Variants in DTX2 observed in about 807,000 individuals in gnomAD.
DTX2 encodes the protein probable E3 ubiquitin-protein ligase DTX2.
A neutral mutation model predicts 55.3 loss-of-function variants in DTX2; 29 were observed. That is an observed-to-expected ratio of 0.52 (90% CI 0.39 to 0.71). DTX2 has a LOEUF of 0.71. Ranked by LOEUF, DTX2 falls within the 30% of genes least tolerant of loss-of-function variation. DTX2 has a pLI of 0.00. For missense variants in DTX2, 537 were observed against 822.5 expected, an observed-to-expected ratio of 0.65 and a Z score of 4.25; for synonymous variants, 276 against 340.4, an observed-to-expected ratio of 0.81 and a Z score of 2.08.
rs1192428467 is a variant in DTX2, at chr7:76,502,423, G to A, written c.1356G>A (p.Leu452=). ...AGTGCAGCCATGCCTTCCACCTGCT[G>A]TGCCTCCTGGCCATGTACTGCAACG... is the stretch of plus-strand genomic sequence containing the variant. ...LTKCSHAFHL[L]CLLAMYCNGN... The change falls in exon 8 of 11, where the codon CTG becomes CTA. Residue 452 remains leucine (L), a synonymous_variant. Coordinates refer to ENST00000430490, the MANE Select transcript of DTX2 (RefSeq NM_001102594.3). The A allele has an allele frequency of 1.2e-6, 2 of 1,612,562 alleles. No individual in the cohort carries two copies. Among genetic ancestry groups the A allele is most frequent in the East Asian group, 2.2e-5 (1 of 44,876 alleles).
chr7:76,475,303 C>T (rs1339307828), intron 2 of DTX2, among the ~76,000 whole-genome samples: 4 of 151,998 alleles, frequency 2.6e-5, no homozygotes, highest in Non-Finnish European at 5.9e-5. Context: ...AAGAATGAAA[C>T]TCTGTCTCAA....
intron 2 of DTX2, chr7:76,478,087 C>A (rs541640321): frequency 6.9e-6 from 1 of 144,508 alleles, no homozygotes; most frequent in South Asian, 2.4e-4. Flanking sequence ...CTCATTGTGA[C>A]AACACGCCCA....
At position 76,505,933 on chromosome 7, in the gene DTX2, G is replaced by A. The variant is rs946710223; in HGVS notation, c.*332G>A. On this transcript the variant is annotated 3_prime_UTR_variant, in exon 11 of 11. Transcript: ENST00000430490. The surrounding 1 kb of genome is among the most constrained non-coding windows in gnomAD (Gnocchi z 4.4). ...GACTTCCCCAGCCTGGACGGGCGTGGGTTCTGGGTCAGCTTCTTTTACCTC... is the reference window on the plus strand; with the variant it reads ...GACTTCCCCAGCCTGGACGGGCGTGAGTTCTGGGTCAGCTTCTTTTACCTC... 2.8e-5 allele frequency: 14 copies of A among 494,066 alleles called. No homozygotes were observed. Among genetic ancestry groups the A allele is most frequent in the Non-Finnish European group, 4.4e-5 (12 of 272,846 alleles). 30.6% of individuals were successfully genotyped at this position (494,066 alleles called of 1,614,324 possible).
At chr7:76,488,810 T>G (rs1810148584) in intron 4 of DTX2, among the ~76,000 whole-genome samples, 1 of 80,700 alleles carries the variant, frequency 1.2e-5, no homozygotes, top group Non-Finnish European at 2.5e-5. Context: ...GCAGGAGAAT[T>G]GCTTGAGCCC....
chr7:76,497,671 C>G (rs1347840446), intron 6 of DTX2, among the ~76,000 whole-genome samples, 194 bp downstream of exon 6: 8 of 147,024 alleles, frequency 5.4e-5, no homozygotes, highest in East Asian at 4.0e-4. Context: ...CACCGCAGCC[C>G]CAGAGTTCAG....
At position 76,500,080 on chromosome 7, in the gene DTX2, G is replaced by A. The variant is rs562437206; in HGVS notation, c.1151-361G>A. ...ACGCCCCCTGGAGTAGTTTGTGCCCGAAGCGGCTGTCTGACTCTTCCGCGC... is the reference window on the plus strand; with the variant it reads ...ACGCCCCCTGGAGTAGTTTGTGCCCAAAGCGGCTGTCTGACTCTTCCGCGC... On this transcript the variant is annotated intron_variant, in intron 6 of 10. Coordinates refer to ENST00000430490, the MANE Select transcript of DTX2 (RefSeq NM_001102594.3). The A allele has an allele frequency of 4.0e-3, 1,419 of 358,364 alleles. 20 individuals carry two copies. Among genetic ancestry groups the A allele is most frequent in the African/African-American group, 0.029 (1,325 of 46,028 alleles). 22.2% of individuals were successfully genotyped at this position (358,364 alleles called of 1,614,324 possible).
At position 76,505,886 on chromosome 7, in the gene DTX2, G is replaced by T. The variant is rs1812293403; in HGVS notation, c.*285G>T. ...GCTGCTTCGGGCCCGCGGTGCTCGGGGCCTGGTGTGGGGCGAGTAGAGACT... is the reference window on the plus strand; with the variant it reads ...GCTGCTTCGGGCCCGCGGTGCTCGGTGCCTGGTGTGGGGCGAGTAGAGACT... On this transcript the variant is annotated 3_prime_UTR_variant, in exon 11 of 11. Transcript: ENST00000430490. The surrounding 1 kb of genome is among the most constrained non-coding windows in gnomAD (Gnocchi z 4.4). 1 of 564,832 alleles carries T rather than the reference G, an allele frequency of 1.8e-6. No homozygotes were observed. Among genetic ancestry groups the T allele is most frequent in the Non-Finnish European group, 3.2e-6 (1 of 313,358 alleles). The allele number at this position is 564,832 out of a possible 1,614,324, so 35.0% of individuals were successfully genotyped here.
At chr7:76,474,152 C>G (rs1808262202) in intron 2 of DTX2, among the ~76,000 whole-genome samples, 1 of 151,376 alleles carries the variant, frequency 6.6e-6, no homozygotes, top group Non-Finnish European at 1.5e-5. Context: ...AACTCCCGAC[C>G]TCAGGTGATC....
rs554183579 is a variant in DTX2 at position 76,494,917 on chromosome 7, T to G, written c.1010-2420T>G. 2.9e-5 allele frequency among the ~76,000 whole-genome samples: 3 copies of G among 103,312 alleles called. No individual in the cohort carries two copies. In the East Asian group the frequency reaches 8.7e-4, roughly 30 times the overall value. 67.8% of individuals were successfully genotyped at this position (103,312 alleles called of 152,430 possible). A position where few individuals can be genotyped will look rare whatever the true frequency, so the allele number is the denominator to read the frequency against. On this transcript the variant is annotated intron_variant, in intron 5 of 10. Coordinates refer to ENST00000430490, the MANE Select transcript of DTX2 (RefSeq NM_001102594.3). ...CCTGGTGTGCTTGTGGGTTGAGGAATTATACCATGCCCGGCTGCGGAGACG... is the reference window on the plus strand; with the variant it reads ...CCTGGTGTGCTTGTGGGTTGAGGAAGTATACCATGCCCGGCTGCGGAGACG...
intron 2 of DTX2, among the ~76,000 whole-genome samples, chr7:76,468,093 G>A (rs1172241297): frequency 6.6e-6 from 1 of 152,288 alleles, no homozygotes; most frequent in Admixed American, 6.5e-5. Context: ...GAGGGGAGAG[G>A]GAGGCCAGGG....
intron 6 of DTX2, among the ~76,000 whole-genome samples, chr7:76,499,048 A>T (rs1360711418): frequency 6.3e-5 from 1 of 15,854 alleles, no homozygotes; most frequent in East Asian, 1.9e-3. Context: ...AGGTGTGTGG[A>T]GGTGGGTGTG....
chr7:76,501,804 G>A (rs1228786967), intron 7 of DTX2: 7 of 176,908 alleles, frequency 4.0e-5, no homozygotes, highest in South Asian at 1.2e-4. Flanking sequence ...GGCTTCTGCT[G>A]TCATGTCGGG....
chr7:76,498,971 GTGA>G (rs2116567934), intron 6 of DTX2, among the ~76,000 whole-genome samples: 1 of 58,642 alleles, frequency 1.7e-5, no homozygotes, highest in African/African-American at 1.1e-4. Context: ...GTATGGAGGT[GTGA>G]GGTGTGTGGA....
In DTX2 at chr7:76,505,860, G is replaced by C. The variant is rs1333748350; in HGVS notation, c.*259G>C. The C allele has an allele frequency of 1.7e-6, 1 of 586,076 alleles. No homozygotes were observed. Among genetic ancestry groups the C allele is most frequent in the Non-Finnish European group, 3.1e-6 (1 of 327,284 alleles). The allele number at this position is 586,076 out of a possible 1,614,324, so 36.3% of individuals were successfully genotyped here. A position where few individuals can be genotyped will look rare whatever the true frequency, so the allele number is the denominator to read the frequency against. ...GCGCAGGGCCCGTCTGTCCTCTGGG[G>C]GCTGCTTCGGGCCCGCGGTGCTCGG... is the stretch of plus-strand genomic sequence containing the variant. On this transcript the variant is annotated 3_prime_UTR_variant, in exon 11 of 11. Coordinates refer to ENST00000430490, the MANE Select transcript of DTX2 (RefSeq NM_001102594.3). The surrounding 1 kb of genome is among the most constrained non-coding windows in gnomAD (Gnocchi z 4.4).
intron 8 of DTX2, 40 bp from the exon 9 acceptor site, chr7:76,503,386 T>C: frequency 1.9e-6 from 3 of 1,598,332 alleles, no homozygotes; most frequent in Non-Finnish European, 2.6e-6. Context: ...TTGGGTGTTC[T>C]CAGACTGCCA....
chr7:76,479,396 A>G (rs533991492), intron 2 of DTX2, among the ~76,000 whole-genome samples: 1 of 109,398 alleles, frequency 9.1e-6, no homozygotes, highest in East Asian at 2.8e-4. Context: ...TTGGTTAGCA[A>G]TGCTTCAGGG....
intron 2 of DTX2, among the ~76,000 whole-genome samples, chr7:76,475,576 A>G (rs1250924833): frequency 1.6e-4 from 23 of 146,072 alleles, no homozygotes; most frequent in Admixed American, 6.9e-5. Context: ...AATCCCAACT[A>G]CTTGGGAGGC....
intron 4 of DTX2, among the ~76,000 whole-genome samples, chr7:76,491,821 G>A (rs1269236989): frequency 9.9e-5 from 12 of 121,374 alleles, no homozygotes; most frequent in Admixed American, 1.8e-4. Context: ...GTACAGGTGC[G>A]CACCACCACA....
At chr7:76,469,134 T>G (rs1425947712) in intron 2 of DTX2, among the ~76,000 whole-genome samples, 2 of 148,740 alleles carry the variant, frequency 1.3e-5, no homozygotes, top group Non-Finnish European at 3.0e-5. Context: ...TGTTTATGGT[T>G]GTTCTTGTGG....
Sources: gnomAD v4.1 joint callset for allele counts (sites outside exome capture counted in the v4.1 genomes callset) on GRCh38, gnomAD v4.1.1 for gene constraint, Gnocchi (gnomAD v3.1) non-coding constraint, MANE v1.5 for transcripts, NCBI Gene and HGNC (gene_info 2026-07-23, HGNC 2026-07-21) for gene names.